Variants in SSR1 observed in about 807,000 individuals in gnomAD.
SSR1 encodes the protein translocon-associated protein subunit alpha.
Under a neutral mutation model 36.1 loss-of-function variants are expected in SSR1, and 13 were observed. The observed-to-expected ratio is 0.36, with a 90% CI of 0.23 to 0.57. The LOEUF is 0.57. Ranked by LOEUF, SSR1 falls within the 20% of genes least tolerant of loss-of-function variation. SSR1 has a pLI of 0.81. For synonymous variants in SSR1, 113 were observed against 118.9 expected, an observed-to-expected ratio of 0.95 and a Z score of 0.32; for missense variants, 291 against 338.5, an observed-to-expected ratio of 0.86 and a Z score of 1.10.
At chr6:7,303,495 A>G in intron 3 of SSR1, 55 bp downstream of exon 3, 1 of 1,272,428 alleles carries the variant, frequency 7.9e-7, no homozygotes, top group East Asian at 2.3e-5. Flanking sequence ...TATATGAACA[A>G]GCTCATCGTT....
At position 7,313,108 on chromosome 6, in the gene SSR1, G is replaced by T. The variant is rs770531096; in HGVS notation, c.13C>A (p.Pro5Thr). Residue 5 changes from proline to threonine, a missense_variant, in exon 1 of 8, where the codon CCC becomes ACC. Transcript: ENST00000244763. ...AGTAAGAGAAGCAGCAGCAAGCGGG[G>T]GAGGAGTCTCATGGCGCTGCCGGTC... MRLLPRLLLLLLLVF... is the reference protein window; with the variant it reads MRLLTRLLLLLLLVF... The T allele has an allele frequency of 3.7e-6, 6 of 1,607,006 alleles. No individual in the cohort carries two copies. In the South Asian group the frequency reaches 6.6e-5, roughly 18 times the overall value.
Position 7,288,437 on chromosome 6 carries a change from G to A in SSR1, c.*1427C>T, listed in dbSNP as rs1226654764. 6.6e-6 allele frequency: 1 copy of A among 152,240 alleles called. No homozygotes were observed. The highest frequency in any genetic ancestry group is 1.9e-4 in the East Asian group (1 of 5,194). 9.4% of individuals were successfully genotyped at this position (152,240 alleles called of 1,614,324 possible). A position where few individuals can be genotyped will look rare whatever the true frequency, so the allele number is the denominator to read the frequency against. On this transcript the variant is annotated 3_prime_UTR_variant, in exon 8 of 8. Coordinates refer to ENST00000244763, the MANE Select transcript of SSR1 (RefSeq NM_003144.5). The stretch of plus-strand genomic sequence containing the variant: ...TTATACAATAACTTCTATCTGCTTT[G>A]GCTCAGATGTTTAAATACTTAAACA...
chr6:7,289,895 G>A lies in SSR1; in HGVS notation c.830C>T (p.Ala277Val), dbSNP rs1287555534. Reference sequence around the variant, plus strand: ...ATCAGATCCCACTGATCTCTTCTGTGCCCGTTTCCTGGGCAACCTTCTTGG... The same window carrying A: ...ATCAGATCCCACTGATCTCTTCTGTACCCGTTTCCTGGGCAACCTTCTTGG... ...ASPRRLPRKR[A>V]QKRSVGSDE is the part of the protein sequence containing the mutation. Residue 277 changes from alanine (A) to valine (V), a missense_variant, in exon 8 of 8, where the codon GCA (alanine) becomes GTA (valine). Transcript: ENST00000244763. 6 of 1,541,202 alleles carry A rather than the reference G, an allele frequency of 3.9e-6. No individual in the cohort carries two copies. The highest frequency in any genetic ancestry group is 5.2e-6 in the Non-Finnish European group (6 of 1,154,884).
intron 7 of SSR1, among the ~76,000 whole-genome samples, chr6:7,290,708 A>G (rs1757663259): frequency 6.6e-6 from 1 of 152,106 alleles, no homozygotes; most frequent in African/African-American, 2.4e-5. Flanking sequence ...ATACTGTAGA[A>G]TAAGTTAGAA....
chr6:7,310,373 GT>G (rs1758163764), intron 1 of SSR1, among the ~76,000 whole-genome samples: 1 of 151,984 alleles, frequency 6.6e-6, no homozygotes, highest in African/African-American at 2.4e-5. Flanking sequence ...GACTAGAGGC[GT>G]GAACCACTGT....
Position 7,286,321 on chromosome 6 carries a change from G to C in SSR1, c.*3543C>G, listed in dbSNP as rs1382687816. The C allele has an allele frequency of 6.6e-6, 1 of 151,964 alleles. No individual in the cohort carries two copies. Among genetic ancestry groups the C allele is most frequent in the African/African-American group, 2.4e-5 (1 of 41,382 alleles). 9.4% of individuals were successfully genotyped at this position (151,964 alleles called of 1,614,324 possible). On this transcript the variant is annotated 3_prime_UTR_variant, in exon 8 of 8. Coordinates refer to ENST00000244763, the MANE Select transcript of SSR1 (RefSeq NM_003144.5). ...CCCAGGTTTTTGTATAAATGAAAAGGGATAAAAATTCATACAAAATCCATT... is the reference window on the plus strand; with the variant it reads ...CCCAGGTTTTTGTATAAATGAAAAGCGATAAAAATTCATACAAAATCCATT...
At chr6:7,294,212 C>CT (rs1252329899) in intron 7 of SSR1, among the ~76,000 whole-genome samples, 3 of 132,164 alleles carry the variant, frequency 2.3e-5, no homozygotes, top group Admixed American at 1.5e-4. Flanking sequence ...ATAATATTGT[C>CT]TAGTTGTAAA....
intron 6 of SSR1, among the ~76,000 whole-genome samples, chr6:7,297,671 G>C (rs1757832276): frequency 2.0e-5 from 3 of 152,108 alleles, no homozygotes; most frequent in African/African-American, 7.2e-5. Context: ...GCCACAATGA[G>C]CTAAGATCAC....
rs552802346 is a variant in SSR1 at position 7,297,650 on chromosome 6, A to G, written c.699+273T>C. On this transcript the variant is annotated intron_variant, in intron 6 of 7. Transcript: ENST00000244763. ...TGAGTTGAGAGGATCACTTGAGCCC[A>G]GGAGGTTGAGGCCACAATGAGCTAA... is the stretch of plus-strand genomic sequence containing the variant. 2.6e-5 allele frequency among the ~76,000 whole-genome samples: 4 copies of G among 152,260 alleles called. No homozygotes were observed. In the East Asian group the frequency reaches 7.7e-4, roughly 29 times the overall value.
rs113497899 is a variant in SSR1 at position 7,310,112 on chromosome 6, A to C, written c.80-83T>G. ...TTTTAACATCAGGTATAGGCAAAAAAAACTTCCCTTGGACTAACAGAATCT... is the reference window on the plus strand; with the variant it reads ...TTTTAACATCAGGTATAGGCAAAAACAACTTCCCTTGGACTAACAGAATCT... On this transcript the variant is annotated intron_variant, in intron 1 of 7. Transcript: ENST00000244763. 3.8e-4 allele frequency: 399 copies of C among 1,041,364 alleles called. 3 individuals are homozygous for C. In the African/African-American group the frequency reaches 5.6e-3, roughly 15 times the overall value. 64.5% of individuals were successfully genotyped at this position (1,041,364 alleles called of 1,614,324 possible). A position where few individuals can be genotyped will look rare whatever the true frequency, so the allele number is the denominator to read the frequency against.
intron 1 of SSR1, 86 bp downstream of exon 1, chr6:7,312,956 G>T: frequency 7.3e-7 from 1 of 1,370,778 alleles, no homozygotes; most frequent in African/African-American, 1.4e-5. Context: ...CCCAGGACCC[G>T]GAGCGGCCAC....
intron 2 of SSR1, among the ~76,000 whole-genome samples, chr6:7,306,891 T>A (rs1443297071): frequency 8.5e-6 from 1 of 117,206 alleles, no homozygotes; most frequent in African/African-American, 3.5e-5. Context: ...CACTCCAGCC[T>A]GGGCGACAGA....
intron 1 of SSR1, among the ~76,000 whole-genome samples, chr6:7,310,373 G>A (rs1171134463): frequency 6.6e-6 from 1 of 151,984 alleles, no homozygotes; most frequent in Non-Finnish European, 1.5e-5. Context: ...GACTAGAGGC[G>A]TGAACCACTG....
At chr6:7,303,963 C>CA (rs1307612051) in intron 2 of SSR1, among the ~76,000 whole-genome samples, 3 of 151,690 alleles carry the variant, frequency 2.0e-5, no homozygotes, top group East Asian at 1.9e-4. Flanking sequence ...GACTCCGACT[C>CA]AAAAAAAAGA....
At chr6:7,312,468 T>C (rs1326949967) in intron 1 of SSR1, among the ~76,000 whole-genome samples, 1 of 152,188 alleles carries the variant, frequency 6.6e-6, no homozygotes, top group Non-Finnish European at 1.5e-5. Flanking sequence ...TCAAGCCTCC[T>C]AGTAACACAT....
At chr6:7,297,774 A>C in intron 6 of SSR1, 149 bp downstream of exon 6, 1 of 568,334 alleles carries the variant, frequency 1.8e-6, no homozygotes, top group Non-Finnish European at 3.1e-6. Context: ...TTACATATCT[A>C]AGGCTTCAGG....
At chr6:7,301,207 A>T in intron 4 of SSR1, 103 bp downstream of exon 4, 5 of 1,407,182 alleles carry the variant, frequency 3.6e-6, no homozygotes, top group Non-Finnish European at 4.8e-6. Flanking sequence ...CACAGGTTCA[A>T]CCACAAAACA....
At chr6:7,306,135 A>AC (rs1554133696) in intron 2 of SSR1, among the ~76,000 whole-genome samples, 1 of 150,238 alleles carries the variant, frequency 6.7e-6, no homozygotes, top group East Asian at 1.9e-4. Context: ...TTAAATAACT[A>AC]TTTTTTTTTT....
intron 2 of SSR1, among the ~76,000 whole-genome samples, chr6:7,309,416 C>A (rs964847115): frequency 2.6e-5 from 4 of 152,192 alleles, no homozygotes; most frequent in Non-Finnish European, 5.9e-5. Context: ...GAGCTATGCT[C>A]GTGCCACTGC....
Sources: gnomAD v4.1 joint callset for allele counts (sites outside exome capture counted in the v4.1 genomes callset) on GRCh38, gnomAD v4.1.1 for gene constraint, MANE v1.5 for transcripts, NCBI Gene and HGNC (gene_info 2026-07-23, HGNC 2026-07-21) for gene names.